Variants in KDR observed in about 807,000 individuals in gnomAD.
The protein encoded by KDR is kinase insert domain receptor, also known as vascular endothelial growth factor receptor 2.
KDR carries 43 observed loss-of-function variants against 160.9 expected under a neutral mutation model. The ratio of observed to expected loss-of-function variants is 0.27; its 90% CI spans 0.21 to 0.34. The LOEUF is 0.34. KDR is among the 10% of genes least tolerant of loss of function. KDR has a pLI of 1.00. For missense variants in KDR, 1,469 were observed against 1,666.4 expected (o/e 0.88, Z 2.06); for synonymous variants, 617 against 600.1 (o/e 1.03, Z -0.41).
chr4:55,109,416 A>C (rs1720520176), intron 9 of KDR, among the ~76,000 whole-genome samples: 1 of 152,096 alleles, frequency 6.6e-6, no homozygotes, highest in Admixed American at 6.5e-5. Context: ...AAAAATAATA[A>C]AGCCAAGTTC....
rs1475265684 is a variant in KDR, at chr4:55,102,427, G to A, written c.2069C>T (p.Ala690Val). The stretch of plus-strand genomic sequence containing the variant: ...GATCTGTGGAGGGGGATTCCCAGAT[G>A]CCGTGCATGAGACTTCGATGCTTTC... ...IGESIEVSCT[A>V]SGNPPPQIMW... The change falls in exon 14 of 30, where the codon GCA (alanine) becomes GTA (valine). Residue 690 changes from alanine (A) to valine (V), a missense_variant. Coordinates refer to ENST00000263923, the MANE Select transcript of KDR (RefSeq NM_002253.4). 6.2e-7 allele frequency: 1 copy of A among 1,613,536 alleles called. No homozygotes were observed. The highest frequency in any genetic ancestry group is 1.1e-5 in the South Asian group (1 of 91,072).
chr4:55,089,232 T>TTCAAGAAGTGA, intron 25 of KDR, 142 bp downstream of exon 25: 1 of 705,312 alleles, frequency 1.4e-6, no homozygotes, highest in Non-Finnish European at 2.5e-6. Flanking sequence ...GACTCCATGC[T>TTCAAGAAGTGA]TGAAATTATC....
chr4:55,116,417 C>CAA (rs66997115), intron 3 of KDR, among the ~76,000 whole-genome samples: 65 of 94,660 alleles, frequency 6.9e-4, no homozygotes, highest in East Asian at 1.3e-3. Context: ...AACTCCGTCT[C>CAA]AAAAAAAAAA....
rs1226025084 is a variant in KDR, at chr4:55,089,486, A to G, written c.3305-13T>C. 1 of 1,579,756 alleles carries G rather than the reference A, an allele frequency of 6.3e-7. No homozygotes were observed. Among genetic ancestry groups the G allele is most frequent in the African/African-American group, 1.3e-5 (1 of 74,400 alleles). ...TATGGAGAAGCACCTAGAATAAAAC[A>G]GGGAGGAGACATTCTTTGATTTGAT... On this transcript the variant is annotated splice_polypyrimidine_tract_variant and intron_variant, in intron 24 of 29. Transcript: ENST00000263923.
At chr4:55,106,371 C>A (rs1463355510) in intron 11 of KDR, among the ~76,000 whole-genome samples, 1 of 152,066 alleles carries the variant, frequency 6.6e-6, no homozygotes. Flanking sequence ...ATAAAAAGGG[C>A]TTTGGAAGCC....
intron 10 of KDR, among the ~76,000 whole-genome samples, chr4:55,107,257 C>T (rs934825913): frequency 4.6e-5 from 7 of 152,078 alleles, no homozygotes; most frequent in Non-Finnish European, 7.4e-5. Flanking sequence ...GGGTTGGCTG[C>T]TGTTGTTGTG....
chr4:55,115,353 A>C lies in KDR; in HGVS notation c.417T>G (p.Thr139=). 3 of 1,553,260 alleles carry C rather than the reference A, an allele frequency of 1.9e-6. No individual in the cohort carries two copies. Among genetic ancestry groups the C allele is most frequent in the African/African-American group, 1.4e-5 (1 of 73,726 alleles). ...TCACCACAGTTTTGTTTTTGTTCTC[A>C]GTAATGTACACGACTCCATGTTGGT... ...VSDQHGVVYI[T]ENKNKTVVIP... is the part of the protein sequence containing the mutation. The change falls in exon 4 of 30, where the codon ACT becomes ACG. Residue 139 remains threonine, a synonymous_variant. Transcript: ENST00000263923.
At chr4:55,095,693 A>C (rs1720134799) in intron 19 of KDR, 28 bp from the exon 20 acceptor site, 1 of 1,559,570 alleles carries the variant, frequency 6.4e-7, no homozygotes. Context: ...AGGAAGGAAA[A>C]TGGGTTTTCA....
At chr4:55,124,094 A>T (rs114570246) in intron 1 of KDR, among the ~76,000 whole-genome samples, 144 of 152,364 alleles carry the variant, frequency 9.5e-4, no homozygotes, top group African/African-American at 3.4e-3. Context: ...GAACCAAGTC[A>T]TTATAAAGAA....
In KDR at chr4:55,082,592, C is replaced by T. The variant is rs1719764008; in HGVS notation, c.3706G>A (p.Val1236Ile). Residue 1236 changes from valine (V) to isoleucine (I), a missense_variant, in exon 28 of 30, where the codon GTA (valine) becomes ATA (isoleucine). By Grantham distance (29) the Val-to-Ile change is conservative (BLOSUM62 3). Around this residue, in one of 7 missense-constraint regions of KDR, gnomAD observed 229 missense variants for 197.8 expected, o/e 1.16. Transcript: ENST00000263923. ...NSKRKSRPVS[V>I]KTFEDIPLEE... ...AACGGGATATCTTCAAATGTTTTTA[C>T]ACTCACAGGCCGGCTCTTTCGCTTA... The T allele has an allele frequency of 1.9e-6, 3 of 1,613,910 alleles. No individual in the cohort carries two copies. The highest frequency in any genetic ancestry group is 2.5e-6 in the Non-Finnish European group (3 of 1,179,870).
At position 55,088,882 on chromosome 4, in the gene KDR, C is replaced by T. The variant is rs1312704512; in HGVS notation, c.3496G>A (p.Ala1166Thr). 4 of 1,613,628 alleles carry T rather than the reference C, an allele frequency of 2.5e-6. No individual in the cohort carries two copies. Among genetic ancestry groups the T allele is most frequent in the Non-Finnish European group, 3.4e-6 (4 of 1,179,650 alleles). ...AGGTGACAAACCTGCTGAGCATTAG[C>T]TTGCAAGAGATTTCCCAAATGTTCC... The part of the protein sequence containing the change: ...LVEHLGNLLQ[A>T]NAQQDGKDYI... The change falls in exon 26 of 30, where the codon GCT becomes ACT. Residue 1166 changes from alanine (A) to threonine (T), a missense_variant. Physicochemically the swap from Ala to Thr is moderately conservative, Grantham distance 58. Around this residue, in one of 7 missense-constraint regions of KDR, gnomAD observed 132 missense variants for 195.9 expected, o/e 0.67. Transcript: ENST00000263923.
In KDR at chr4:55,089,473, C is replaced by G; in HGVS notation, c.3305G>C (p.Gly1102Ala). The G allele has an allele frequency of 6.2e-7, 1 of 1,608,470 alleles. No homozygotes were observed. Among genetic ancestry groups the G allele is most frequent in the Non-Finnish European group, 8.5e-7 (1 of 1,175,406 alleles). ...CTTTACCCCAGGATATGGAGAAGCACCTAGAATAAAACAGGGAGGAGACAT... is the reference window on the plus strand; with the variant it reads ...CTTTACCCCAGGATATGGAGAAGCAGCTAGAATAAAACAGGGAGGAGACAT... ...GVLLWEIFSL[G>A]ASPYPGVKID... Residue 1102 changes from glycine (G) to alanine (A), a missense_variant and splice_region_variant, in exon 25 of 30, where the codon GGT becomes GCT. Physicochemically the swap from Gly to Ala is moderately conservative, Grantham distance 60 (BLOSUM62 0). Around this residue, in one of 7 missense-constraint regions of KDR, gnomAD observed 132 missense variants for 195.9 expected, o/e 0.67. Transcript: ENST00000263923.
At chr4:55,082,409 T>G (rs1255912585) in intron 28 of KDR, 127 bp downstream of exon 28, 1 of 726,204 alleles carries the variant, frequency 1.4e-6, no homozygotes, top group African/African-American at 1.8e-5. Flanking sequence ...AATGACCCCA[T>G]GATACACACA....
chr4:55,102,164 C>T, intron 14 of KDR, 136 bp from the exon 15 acceptor site: 1 of 1,350,736 alleles, frequency 7.4e-7, no homozygotes. Context: ...ATGGGATCTA[C>T]TGCTGACTAA....
In KDR at chr4:55,105,956, A is replaced by G. The variant is rs777918865; in HGVS notation, c.1537-16T>C. On this transcript the variant is annotated splice_polypyrimidine_tract_variant and intron_variant, in intron 11 of 29. Transcript: ENST00000263923. ...TACTTACAGTCTGTGCGGGGAAAAAACAAATCCCAGGCCATAAACAACGCG... is the reference window on the plus strand; with the variant it reads ...TACTTACAGTCTGTGCGGGGAAAAAGCAAATCCCAGGCCATAAACAACGCG... 20 of 1,541,496 alleles carry G rather than the reference A, an allele frequency of 1.3e-5. No individual in the cohort carries two copies. Among genetic ancestry groups the G allele is most frequent in the Middle Eastern group, 1.7e-4 (1 of 5,818 alleles).
chr4:55,100,116 G>A (rs1442923240), intron 15 of KDR, among the ~76,000 whole-genome samples: 1 of 152,178 alleles, frequency 6.6e-6, no homozygotes, highest in East Asian at 1.9e-4. Context: ...AAGAGTGCAA[G>A]GAGAATCAAA....
chr4:55,082,351 C>T, intron 28 of KDR, among the ~76,000 whole-genome samples, 185 bp downstream of exon 28: 1 of 152,178 alleles, frequency 6.6e-6, no homozygotes, highest in Non-Finnish European at 1.5e-5. Flanking sequence ...TGTCTTGAAC[C>T]TTGGACCAAG....
chr4:55,087,623 T>A lies in KDR; in HGVS notation c.3646A>T (p.Asn1216Tyr), dbSNP rs1319974707. 1 of 1,614,046 alleles carries A rather than the reference T, an allele frequency of 6.2e-7. No individual in the cohort carries two copies. Reference protein sequence around the residue: ...EVCDPKFHYDNTAGISQYLQN... With the variant: ...EVCDPKFHYDYTAGISQYLQN... ...ATACAGTACCTGATTCCTGCTGTGT[T>A]GTCATAATGGAATTTGGGGTCACAT... Residue 1216 changes from asparagine (N) to tyrosine (Y), a missense_variant, in exon 27 of 30, where the codon AAC (asparagine) becomes TAC (tyrosine). Physicochemically the swap from Asn to Tyr is moderately radical, Grantham distance 143. Transcript: ENST00000263923.
chr4:55,096,876 T>C (rs1000265585), intron 18 of KDR, among the ~76,000 whole-genome samples: 2 of 152,216 alleles, frequency 1.3e-5, no homozygotes, highest in African/African-American at 2.4e-5. Flanking sequence ...CTGTATGGAC[T>C]GCTACACTTC....
Sources: allele counts gnomAD v4.1 joint callset (sites outside exome capture counted in the v4.1 genomes callset), GRCh38; gene constraint gnomAD v4.1.1; regional missense constraint gnomAD v4.1.1; transcripts MANE v1.5; gene names NCBI Gene and HGNC (gene_info 2026-07-23, HGNC 2026-07-21).